The following LSP1 variants were observed in gnomAD, a reference collection of about 807,000 sequenced individuals.
LSP1 encodes lymphocyte specific protein 1, also known as lymphocyte-specific protein 1.
In LSP1, 32 loss-of-function variants were observed where a neutral mutation model predicts 49.3. The observed-to-expected ratio is 0.65, with a 90% CI of 0.49 to 0.87. The LOEUF (loss-of-function observed/expected upper bound fraction) is 0.87, where lower values mean the gene tolerates loss of function less well. Ranked by LOEUF, LSP1 falls within the 40% of genes least tolerant of loss-of-function variation. The pLI, the probability that LSP1 is intolerant of heterozygous loss-of-function variation, is 0.00. For synonymous variants in LSP1, 179 were observed against 178.8 expected, an observed-to-expected ratio of 1.00 and a Z score of -0.01; for missense variants, 428 against 442.6, an observed-to-expected ratio of 0.97 and a Z score of 0.30.
At chr11:1,889,162 C>T in intron 10 of LSP1, 4 of 669,186 alleles carry the variant, frequency 6.0e-6, no homozygotes, top group Non-Finnish European at 1.1e-5. Context: ...AGCCTCCAGC[C>T]AGTCGCTGTG....
intron 1 of LSP1, chr11:1,870,897 AGCTGGCCCAGGCGCC>A (rs1414719592): frequency 1.0e-6 from 1 of 985,850 alleles, no homozygotes; most frequent in Non-Finnish European, 1.2e-6. Context: ...GGGCAGTCCC[AGCTGGCCCAGGCGCC>A]GCAGCGCTCC....
chr11:1,885,537 C>T (rs1848720098), intron 7 of LSP1, among the ~76,000 whole-genome samples: 1 of 150,958 alleles, frequency 6.6e-6, no homozygotes, highest in Admixed American at 6.6e-5. Context: ...GGCCTTCTAT[C>T]CCATCAATTT....
In LSP1 at chr11:1,881,135, C is replaced by A. The variant is rs534662166; in HGVS notation, c.192-297C>A. 2.8e-4 allele frequency: 96 copies of A among 340,800 alleles called. 1 individual carries two copies. Among genetic ancestry groups the A allele is most frequent in the Middle Eastern group, 1.6e-3 (2 of 1,250 alleles). The allele number at this position is 340,800 out of a possible 1,614,324, so 21.1% of individuals were successfully genotyped here. ...CCCCAAACTGATGAGGGAGGCATAG[C>A]CCTGCCCTCAGGTAGCCCCAGGCTG... On this transcript the variant is annotated intron_variant, in intron 2 of 10. Transcript: ENST00000311604.
At chr11:1,889,964 G>C (rs1483432977) in intron 10 of LSP1, 1 of 630,578 alleles carries the variant, frequency 1.6e-6, no homozygotes, top group Non-Finnish European at 2.9e-6. Context: ...CTCCATCCTG[G>C]CTGTTGGATC....
intron 1 of LSP1, among the ~76,000 whole-genome samples, chr11:1,874,196 GGC>G (rs1848207558): frequency 1.4e-5 from 1 of 73,700 alleles, no homozygotes; most frequent in African/African-American, 5.7e-5. Flanking sequence ...AGTGGGGGCA[GGC>G]TGGGGACAGT....
intron 1 of LSP1, among the ~76,000 whole-genome samples, chr11:1,859,840 G>C (rs1847580846): frequency 1.3e-5 from 2 of 152,052 alleles, no homozygotes; most frequent in Non-Finnish European, 2.9e-5. Context: ...AGCATTTGGA[G>C]GCTGCCTCCT....
At chr11:1,854,526 A>G (rs914580279) in intron 1 of LSP1, among the ~76,000 whole-genome samples, 5 of 152,160 alleles carry the variant, frequency 3.3e-5, no homozygotes, top group Admixed American at 6.5e-5. Flanking sequence ...AGGGGTCTGC[A>G]TCTCTGACTT....
rs374534357 is a variant in LSP1, at chr11:1,853,257, A to T, written c.53+60A>T. The T allele has an allele frequency of 2.6e-4, 404 of 1,545,778 alleles. 2 individuals are homozygous for T. Among genetic ancestry groups the T allele is most frequent in the South Asian group, 1.3e-3 (112 of 84,958 alleles). ...CGTGTCCACGGGTGCATAGTCCTTG[A>T]GCTGCATGGAGGGTGGAGAACTGAG... is the stretch of plus-strand genomic sequence containing the variant. On this transcript the variant is annotated intron_variant, in intron 1 of 10. Transcript: ENST00000311604.
At chr11:1,889,092 C>T in intron 10 of LSP1, 1 of 592,760 alleles carries the variant, frequency 1.7e-6, no homozygotes, top group South Asian at 2.0e-5. Flanking sequence ...GAGCCTCAGC[C>T]CCTTCTTCTG....
intron 3 of LSP1, 102 bp from the exon 4 acceptor site, chr11:1,883,317 C>T: frequency 6.9e-7 from 1 of 1,448,392 alleles, no homozygotes; most frequent in East Asian, 2.3e-5. Flanking sequence ...AGCCTGACTA[C>T]CTTCATTTTA....
chr11:1,878,342 C>T lies in LSP1; in HGVS notation c.54-1745C>T, dbSNP rs562454739. Among the ~76,000 whole-genome samples the T allele has an allele frequency of 1.6e-4, 25 of 152,336 alleles. No individual in the cohort carries two copies. In the South Asian group the frequency reaches 4.1e-3, roughly 25 times the overall value. ...CAAGGCCCAGCAGCCCCCAGCCATG[C>T]GGAGGCCGGCAGAAGCGGGAAGCTG... On this transcript the variant is annotated intron_variant, in intron 1 of 10. Transcript: ENST00000311604.
intron 1 of LSP1, chr11:1,869,537 C>T (rs576528744): frequency 6.2e-5 from 27 of 432,708 alleles, no homozygotes; most frequent in South Asian, 3.1e-4. Flanking sequence ...GTGAGGGTCC[C>T]GGGCACTGCC....
At chr11:1,883,903 A>T in intron 4 of LSP1, 29 bp from the exon 5 acceptor site, 1 of 1,576,650 alleles carries the variant, frequency 6.3e-7, no homozygotes. Flanking sequence ...GCAGGGGGTC[A>T]CTTGGGATGT....
rs924353919 is a variant in LSP1, at chr11:1,884,418, AG to A, written c.636-76del. On this transcript the variant is annotated intron_variant, in intron 6 of 10. Transcript: ENST00000311604. The surrounding 1 kb of genome is among the most constrained non-coding windows in gnomAD (Gnocchi z 4.1). ...TCACAAGGTAGAGATCTGGAGACCG[AG>A]GGGGGCTCTGGGAGAGGCTTGGGCA... The A allele has an allele frequency of 3.7e-6, 6 of 1,606,528 alleles. No homozygotes were observed. In the Admixed American group the frequency reaches 5.0e-5, roughly 13 times the overall value.
Position 1,879,942 on chromosome 11 carries a change from C to T in LSP1, c.54-145C>T. On this transcript the variant is annotated intron_variant, in intron 1 of 10. Transcript: ENST00000311604. ...CTATTTAAAGATGGACAAGGTGAGG[C>T]CTGAGGGCCGGCCTGGGACTGACCT... 1.6e-5 allele frequency: 15 copies of T among 922,042 alleles called. No homozygotes were observed. The South Asian group carries it at 2.6e-4, about 16-fold the overall frequency. 57.1% of individuals were successfully genotyped at this position (922,042 alleles called of 1,614,324 possible).
At chr11:1,886,615 G>A in intron 7 of LSP1, 117 bp from the exon 8 acceptor site, 1 of 1,241,948 alleles carries the variant, frequency 8.1e-7, no homozygotes, top group Non-Finnish European at 1.1e-6. Flanking sequence ...GGCTGCATTG[G>A]GAAAGCGCTC....
intron 1 of LSP1, chr11:1,870,277 C>G: frequency 7.7e-7 from 1 of 1,303,064 alleles, no homozygotes; most frequent in Non-Finnish European, 1.0e-6. Context: ...AGCTGAGGCT[C>G]AGGGAGGCAC....
chr11:1,873,965 C>T (rs1220719156), intron 1 of LSP1, among the ~76,000 whole-genome samples: 4 of 121,932 alleles, frequency 3.3e-5, no homozygotes, highest in South Asian at 2.7e-4. Context: ...GCAGGGAGCC[C>T]GGCGGAGGAG....
chr11:1,871,244 C>T (rs984434520), intron 1 of LSP1: 57 of 986,636 alleles, frequency 5.8e-5, no homozygotes, highest in African/African-American at 1.0e-4. Context: ...CAGGCAGAGC[C>T]GCAGCCACGC....
Sources: allele counts gnomAD v4.1 joint callset (sites outside exome capture counted in the v4.1 genomes callset), GRCh38; gene constraint gnomAD v4.1.1; non-coding constraint Gnocchi (gnomAD v3.1); transcripts MANE v1.5; gene names NCBI Gene and HGNC (gene_info 2026-07-23, HGNC 2026-07-21).